The following ERC2 variants were observed in gnomAD, a reference collection of about 807,000 sequenced individuals.
ERC2 encodes the protein ERC protein 2.
ERC2 carries 42 observed loss-of-function variants against 114.8 expected under a neutral mutation model. The observed-to-expected ratio is 0.37, with a 90% CI of 0.29 to 0.47. The LOEUF is 0.47. Among genes scored for constraint, ERC2 ranks in the 20% least tolerant of loss-of-function variants. ERC2 has a pLI of 0.99. For missense variants in ERC2, 939 were observed against 1,150.7 expected, an observed-to-expected ratio of 0.82 and a Z score of 2.66; for synonymous variants, 454 against 425.5, an observed-to-expected ratio of 1.07 and a Z score of -0.82.
At chr3:56,408,148 T>C (rs574474584) in intron 2 of ERC2, among the ~76,000 whole-genome samples, 1 of 152,330 alleles carries the variant, frequency 6.6e-6, no homozygotes, top group Non-Finnish European at 1.5e-5. Flanking sequence ...AGTCAGAGGA[T>C]AGCCCTCAAC....
At chr3:56,283,371 C>T (rs1352409579) in intron 3 of ERC2, among the ~76,000 whole-genome samples, 2 of 152,184 alleles carry the variant, frequency 1.3e-5, no homozygotes, top group Non-Finnish European at 2.9e-5. Context: ...TGGCTCATAC[C>T]TGTAATCCCA....
intron 12 of ERC2, among the ~76,000 whole-genome samples, chr3:55,953,954 G>C (rs2067758719): frequency 6.6e-6 from 1 of 151,926 alleles, no homozygotes; most frequent in Non-Finnish European, 1.5e-5. Flanking sequence ...CAATCTAGAA[G>C]GTAAGGCCCC....
chr3:55,956,013 G>A (rs952446674), intron 12 of ERC2, among the ~76,000 whole-genome samples: 3 of 152,176 alleles, frequency 2.0e-5, no homozygotes, highest in Non-Finnish European at 2.9e-5. Context: ...TGATGAGTTA[G>A]TACTGGTAAA....
intron 1 of ERC2, among the ~76,000 whole-genome samples, chr3:56,444,049 G>A (rs1159859391): frequency 3.7e-5 from 5 of 135,818 alleles, no homozygotes; most frequent in Non-Finnish European, 7.6e-5. Context: ...TGCAAGCTCC[G>A]CCTCCCGGGT....
intron 14 of ERC2, among the ~76,000 whole-genome samples, chr3:55,742,103 A>C (rs989569478): frequency 6.6e-6 from 1 of 152,124 alleles, no homozygotes; most frequent in Non-Finnish European, 1.5e-5. Context: ...CTGAAAAAAA[A>C]AAAAACAAAA....
At chr3:55,830,241 A>G (rs2060510061) in intron 14 of ERC2, among the ~76,000 whole-genome samples, 1 of 152,216 alleles carries the variant, frequency 6.6e-6, no homozygotes. Flanking sequence ...GCCAGCAAAA[A>G]TATGCTTCAG....
chr3:55,785,388 C>T (rs2069402622), intron 14 of ERC2, among the ~76,000 whole-genome samples: 3 of 152,226 alleles, frequency 2.0e-5, no homozygotes, highest in Admixed American at 2.0e-4. Context: ...TCTGCCATCA[C>T]TTCTCTCAGT....
chr3:55,759,104 T>C (rs1333549357), intron 14 of ERC2, among the ~76,000 whole-genome samples: 2 of 152,202 alleles, frequency 1.3e-5, no homozygotes. Flanking sequence ...CTCTGTTTTA[T>C]GACATTTCAG....
In ERC2 at chr3:56,374,287, C is replaced by T. The variant is rs568216690; in HGVS notation, c.657+60064G>A. ...AATTTTTTTGTATTTTTAGTAGAGA[C>T]GGGGTTTCAGCGTGTTAGCCAGGAT... is the stretch of plus-strand genomic sequence containing the variant. On this transcript the variant is annotated intron_variant, in intron 2 of 17. Transcript: ENST00000288221. 7.9e-5 allele frequency among the ~76,000 whole-genome samples: 12 copies of T among 152,168 alleles called. No individual in the cohort carries two copies. In the South Asian group the frequency reaches 1.0e-3, roughly 13 times the overall value.
chr3:55,905,790 C>A (rs537799704), intron 13 of ERC2, among the ~76,000 whole-genome samples: 2 of 152,044 alleles, frequency 1.3e-5, no homozygotes, highest in Non-Finnish European at 2.9e-5. Context: ...TGTTTCCAGG[C>A]CCCTTCTCCC....
At chr3:56,032,977 G>GAAAGAAAGAGAAAGAAAGAA (rs767054115) in intron 7 of ERC2, among the ~76,000 whole-genome samples, 1 of 45,438 alleles carries the variant, frequency 2.2e-5, no homozygotes, top group African/African-American at 6.9e-5. Context: ...AAGAAAGAAA[G>GAAAGAAAGAGAAAGAAAGAA]AGAAAGAAAG....
intron 3 of ERC2, among the ~76,000 whole-genome samples, chr3:56,248,228 G>A (rs1342330283): frequency 6.6e-6 from 1 of 152,022 alleles, no homozygotes; most frequent in Non-Finnish European, 1.5e-5. Context: ...GAATACCTAG[G>A]ACTAAAAGCA....
chr3:56,152,419 G>T (rs895835222), intron 4 of ERC2, among the ~76,000 whole-genome samples: 2 of 6,638 alleles, frequency 3.0e-4, no homozygotes, highest in Non-Finnish European at 2.9e-3. Flanking sequence ...TAAAATGAAG[G>T]GGGGGGGGCG....
chr3:55,637,154 C>G (rs2059992860), intron 17 of ERC2, among the ~76,000 whole-genome samples: 1 of 152,244 alleles, frequency 6.6e-6, no homozygotes, highest in African/African-American at 2.4e-5. Flanking sequence ...CAAAGGTCCT[C>G]CTGGAATGCT....
chr3:55,916,873 T>C (rs1453279375), intron 13 of ERC2, among the ~76,000 whole-genome samples: 2 of 152,214 alleles, frequency 1.3e-5, no homozygotes, highest in African/African-American at 4.8e-5. Context: ...GTACCTGGAA[T>C]AGTATTTAGG....
chr3:56,019,510 T>A (rs921678584), intron 7 of ERC2, among the ~76,000 whole-genome samples: 1 of 152,196 alleles, frequency 6.6e-6, no homozygotes, highest in Admixed American at 6.5e-5. Context: ...GTATTAAAGT[T>A]TGTGATATGC....
intron 13 of ERC2, among the ~76,000 whole-genome samples, chr3:55,936,741 C>T (rs2066468764): frequency 6.6e-6 from 1 of 151,996 alleles, no homozygotes; most frequent in Admixed American, 6.6e-5. Context: ...CAAAGAGAGC[C>T]AGGGCCAATG....
intron 13 of ERC2, among the ~76,000 whole-genome samples, chr3:55,947,907 T>C (rs1354683872): frequency 6.6e-6 from 1 of 152,220 alleles, no homozygotes; most frequent in East Asian, 1.9e-4. Context: ...GCCTGTTTCT[T>C]ATGTTAAAAG....
intron 13 of ERC2, among the ~76,000 whole-genome samples, chr3:55,920,187 A>C (rs4111): frequency 0.1 from 15,157 of 152,188 alleles, 1,024 homozygotes; most frequent in Non-Finnish European, 0.15. Flanking sequence ...ATCTCTTTAA[A>C]AATGTCAAGC....
Sources: gnomAD v4.1 joint callset for allele counts (sites outside exome capture counted in the v4.1 genomes callset) on GRCh38, gnomAD v4.1.1 for gene constraint, MANE v1.5 for transcripts, NCBI Gene and HGNC (gene_info 2026-07-23, HGNC 2026-07-21) for gene names.